RGS7BP: variants seen among roughly 807,000 people sequenced by gnomAD.
RGS7BP encodes the protein regulator of G protein signaling 7-binding protein.
RGS7BP carries 9 observed loss-of-function variants against 31.3 expected under a neutral mutation model. The ratio of observed to expected loss-of-function variants is 0.29; its 90% CI spans 0.17 to 0.50. RGS7BP has a LOEUF of 0.50. Ranked by LOEUF, RGS7BP falls within the 20% of genes least tolerant of loss-of-function variation. RGS7BP has a pLI of 0.98. For missense variants in RGS7BP, 274 were observed against 322.0 expected (o/e 0.85, Z 1.14); for synonymous variants, 115 against 120.1 (o/e 0.96, Z 0.28).
At chr5:64,513,291 C>T (rs528939595) in intron 2 of RGS7BP, among the ~76,000 whole-genome samples, 2 of 152,326 alleles carry the variant, frequency 1.3e-5, no homozygotes, top group South Asian at 2.1e-4. Context: ...TCCTGACCAA[C>T]CAGACCTGTT....
chr5:64,532,273 C>T (rs1749389799), intron 2 of RGS7BP, among the ~76,000 whole-genome samples: 1 of 151,420 alleles, frequency 6.6e-6, no homozygotes, highest in South Asian at 2.1e-4. Flanking sequence ...ATAGTGCAAG[C>T]ACCACCACAA....
intron 2 of RGS7BP, 83 bp downstream of exon 2, chr5:64,507,960 C>A: frequency 8.8e-7 from 1 of 1,135,924 alleles, no homozygotes; most frequent in Non-Finnish European, 1.3e-6. Flanking sequence ...AGTCCTCAGA[C>A]ATGATCTCCA....
chr5:64,611,769 C>T lies in RGS7BP; in HGVS notation c.*2517C>T, dbSNP rs1406473729. The T allele has an allele frequency of 3.9e-5, 6 of 152,060 alleles. No homozygotes were observed. Among genetic ancestry groups the T allele is most frequent in the Non-Finnish European group, 7.4e-5 (5 of 67,828 alleles). The allele number at this position is 152,060 out of a possible 1,614,324, so 9.4% of individuals were successfully genotyped here. ...CAAAACCCTGGTAACCTACACTGGC[C>T]CAAGGTTACAGTAGGTAATTCACCG... On this transcript the variant is annotated 3_prime_UTR_variant, in exon 6 of 6. Coordinates refer to ENST00000334025, the MANE Select transcript of RGS7BP (RefSeq NM_001029875.3).
At chr5:64,541,846 C>T (rs1741533343) in intron 2 of RGS7BP, among the ~76,000 whole-genome samples, 1 of 152,052 alleles carries the variant, frequency 6.6e-6, no homozygotes, top group Admixed American at 6.6e-5. Flanking sequence ...GTCTACCAAT[C>T]CTATCTCTGC....
At chr5:64,580,716 T>C (rs1012995886) in intron 3 of RGS7BP, among the ~76,000 whole-genome samples, 6 of 152,132 alleles carry the variant, frequency 3.9e-5, no homozygotes, top group African/African-American at 1.4e-4. Context: ...TACAAGATAA[T>C]GTACTCGTAA....
intron 2 of RGS7BP, among the ~76,000 whole-genome samples, chr5:64,543,924 G>A (rs2111817840): frequency 6.6e-6 from 1 of 152,326 alleles, no homozygotes; most frequent in African/African-American, 2.4e-5. Context: ...AAAATCCCTG[G>A]CATCTCTATA....
chr5:64,562,959 T>C (rs567617544), intron 2 of RGS7BP, among the ~76,000 whole-genome samples: 1 of 152,238 alleles, frequency 6.6e-6, no homozygotes, highest in East Asian at 1.9e-4. Flanking sequence ...GATCTGTATC[T>C]GATAGAAAAC....
rs755723533 is a variant in RGS7BP, at chr5:64,506,675, C to T, written c.51C>T (p.Arg17=). 7 of 1,612,996 alleles carry T rather than the reference C, an allele frequency of 4.3e-6. No individual in the cohort carries two copies. The South Asian group carries it at 6.6e-5, about 15-fold the overall frequency. ...AAAAGCGCCCCAGCCGGTCCACCCG[C>T]TCCTCGATCTTCCAGATCAGCAAGC... The part of the protein sequence containing the change: ...GRKKRPSRST[R]SSIFQISKPP... Residue 17 remains arginine (R), a synonymous_variant, in exon 1 of 6, where the codon CGC becomes CGT. Transcript: ENST00000334025. This position sits in a 1 kb window ranked among gnomAD's most constrained non-coding sequence, Gnocchi z 4.6.
intron 3 of RGS7BP, among the ~76,000 whole-genome samples, chr5:64,579,288 G>A (rs748719230): frequency 7.2e-5 from 11 of 152,146 alleles, no homozygotes; most frequent in Non-Finnish European, 1.0e-4. Flanking sequence ...GCTCATGTAT[G>A]TAATCCCAGC....
intron 2 of RGS7BP, among the ~76,000 whole-genome samples, chr5:64,514,078 G>A (rs1748910313): frequency 6.6e-6 from 1 of 152,132 alleles, no homozygotes; most frequent in Non-Finnish European, 1.5e-5. Flanking sequence ...CTGGTGGCTT[G>A]CTGTCTTTCA....
At chr5:64,591,338 T>C (rs1369780824) in intron 3 of RGS7BP, among the ~76,000 whole-genome samples, 1 of 151,848 alleles carries the variant, frequency 6.6e-6, no homozygotes, top group Non-Finnish European at 1.5e-5. Flanking sequence ...AAAAGTGTTT[T>C]TAAAAAGAAA....
intron 3 of RGS7BP, among the ~76,000 whole-genome samples, chr5:64,592,618 CA>C (rs1742949182): frequency 6.6e-6 from 1 of 152,066 alleles, no homozygotes; most frequent in Non-Finnish European, 1.5e-5. Flanking sequence ...CCCTTGTCCC[CA>C]TTGGAATAAA....
At chr5:64,538,672 T>A (rs905558252) in intron 2 of RGS7BP, among the ~76,000 whole-genome samples, 4 of 143,914 alleles carry the variant, frequency 2.8e-5, no homozygotes, top group African/African-American at 1.0e-4. Context: ...TTCTCCTACC[T>A]CAGCCTCCTG....
chr5:64,523,444 G>A (rs1036245348), intron 2 of RGS7BP, among the ~76,000 whole-genome samples: 1 of 152,176 alleles, frequency 6.6e-6, no homozygotes, highest in Non-Finnish European at 1.5e-5. Flanking sequence ...CTGACTAAAA[G>A]TGGCTCTCAG....
chr5:64,537,909 T>C (rs1040192414), intron 2 of RGS7BP, among the ~76,000 whole-genome samples: 2 of 152,210 alleles, frequency 1.3e-5, no homozygotes, highest in African/African-American at 2.4e-5. Context: ...GGCAGCCACA[T>C]GGGAACACTG....
rs989126259 is a variant in RGS7BP at position 64,608,062 on chromosome 5, G to C, written c.683-1099G>C. 3.3e-5 allele frequency among the ~76,000 whole-genome samples: 5 copies of C among 152,022 alleles called. No individual in the cohort carries two copies. In the East Asian group the frequency reaches 5.8e-4, roughly 18 times the overall value. ...TTAAGGTTAGGACAGGGAAAGGAGG[G>C]AACTCCTTAGCCCCACTCTGGAAGG... On this transcript the variant is annotated intron_variant, in intron 5 of 5. Coordinates refer to ENST00000334025, the MANE Select transcript of RGS7BP (RefSeq NM_001029875.3).
intron 3 of RGS7BP, among the ~76,000 whole-genome samples, chr5:64,590,575 C>T (rs927086936): frequency 6.6e-6 from 1 of 151,900 alleles, no homozygotes; most frequent in Non-Finnish European, 1.5e-5. Context: ...ACCATTAAAC[C>T]CAGACAATAC....
At chr5:64,549,363 T>C (rs775595029) in intron 2 of RGS7BP, among the ~76,000 whole-genome samples, 72 of 152,318 alleles carry the variant, frequency 4.7e-4, no homozygotes, top group Non-Finnish European at 9.6e-4. Context: ...AATAATCCTC[T>C]CTGGTTCAAT....
chr5:64,560,543 GTA>G (rs35400833), intron 2 of RGS7BP, among the ~76,000 whole-genome samples: 44,841 of 147,118 alleles, frequency 0.3, 7,384 homozygotes, highest in African/African-American at 0.43. Context: ...TAATATCATT[GTA>G]TATATATATA....
Sources: allele counts gnomAD v4.1 joint callset (sites outside exome capture counted in the v4.1 genomes callset), GRCh38; gene constraint gnomAD v4.1.1; non-coding constraint Gnocchi (gnomAD v3.1); transcripts MANE v1.5; gene names NCBI Gene and HGNC (gene_info 2026-07-23, HGNC 2026-07-21).